PDE4B: variants seen among roughly 807,000 people sequenced by gnomAD.
The protein encoded by PDE4B is 3',5'-cyclic-AMP phosphodiesterase 4B.
PDE4B carries 20 observed loss-of-function variants against 82.2 expected under a neutral mutation model. The observed-to-expected ratio is 0.24, with a 90% CI of 0.17 to 0.35. The LOEUF is 0.35. PDE4B is among the 10% of genes least tolerant of loss of function. The probability of loss-of-function intolerance (pLI) is 1.00; values close to 1 mark genes in which losing one functional copy is unlikely to be tolerated. For synonymous variants in PDE4B, 320 were observed against 318.9 expected, an observed-to-expected ratio of 1.00 and a Z score of -0.04; for missense variants, 655 against 907.2, an observed-to-expected ratio of 0.72 and a Z score of 3.57.
At chr1:65,956,039 A>G (rs959609983) in intron 3 of PDE4B, among the ~76,000 whole-genome samples, 1 of 152,160 alleles carries the variant, frequency 6.6e-6, no homozygotes, top group Non-Finnish European at 1.5e-5. Context: ...AGCTGCTGGG[A>G]TATTTTTAGA....
chr1:66,274,885 G>C (rs895042310), intron 7 of PDE4B, among the ~76,000 whole-genome samples: 1 of 152,144 alleles, frequency 6.6e-6, no homozygotes, highest in Non-Finnish European at 1.5e-5. Context: ...TTTCTAGAAG[G>C]TTCTGGTCTA....
intron 3 of PDE4B, among the ~76,000 whole-genome samples, chr1:66,106,407 G>A (rs1346200583): frequency 6.6e-5 from 10 of 152,002 alleles, no homozygotes; most frequent in Admixed American, 2.0e-4. Flanking sequence ...CTCTTTTTTA[G>A]TTGTGTCTCT....
chr1:66,112,115 G>A (rs1369835793), intron 3 of PDE4B, among the ~76,000 whole-genome samples: 1 of 152,042 alleles, frequency 6.6e-6, no homozygotes, highest in African/African-American at 2.4e-5. Context: ...AGAATCTCCC[G>A]AGGTGCTGGG....
intron 4 of PDE4B, among the ~76,000 whole-genome samples, chr1:66,255,315 C>A (rs1051992038): frequency 2.0e-5 from 3 of 152,018 alleles, no homozygotes; most frequent in African/African-American, 7.2e-5. Context: ...CTCAAACTCC[C>A]AACCTCAGGT....
At chr1:66,028,164 A>G (rs1391006999) in intron 3 of PDE4B, among the ~76,000 whole-genome samples, 1 of 152,212 alleles carries the variant, frequency 6.6e-6, no homozygotes, top group African/African-American at 2.4e-5. Flanking sequence ...TCTGAAATCT[A>G]GGCGGAGGTT....
At chr1:66,257,595 C>T (rs1654340638) in intron 4 of PDE4B, 52 bp from the exon 5 acceptor site, 1 of 1,448,004 alleles carries the variant, frequency 6.9e-7, no homozygotes, top group Non-Finnish European at 9.7e-7. Flanking sequence ...TTATATGTCA[C>T]AGTTATAATT....
At chr1:65,940,058 G>A (rs12566621) in intron 3 of PDE4B, among the ~76,000 whole-genome samples, 6,071 of 152,250 alleles carry the variant, frequency 0.04, 480 homozygotes, top group East Asian at 0.36. Flanking sequence ...TAAACAAGGT[G>A]ATGTGATAGA....
intron 7 of PDE4B, among the ~76,000 whole-genome samples, chr1:66,306,205 A>G (rs556147829): frequency 6.6e-6 from 1 of 152,302 alleles, no homozygotes; most frequent in Non-Finnish European, 1.5e-5. Flanking sequence ...CTGGGTTTTC[A>G]CAAACCCTGT....
At chr1:66,359,013 G>A (rs917869485) in intron 9 of PDE4B, among the ~76,000 whole-genome samples, 5 of 152,160 alleles carry the variant, frequency 3.3e-5, no homozygotes, top group African/African-American at 4.8e-5. Flanking sequence ...GCTGGTGCAA[G>A]GGGAAATAGA....
At chr1:66,077,965 C>G (rs1184635296) in intron 3 of PDE4B, among the ~76,000 whole-genome samples, 7 of 152,098 alleles carry the variant, frequency 4.6e-5, no homozygotes, top group African/African-American at 1.7e-4. Flanking sequence ...ACAATGGTAG[C>G]CAGTTCGTGG....
chr1:66,084,699 A>G (rs1656916313), intron 3 of PDE4B, among the ~76,000 whole-genome samples: 1 of 152,080 alleles, frequency 6.6e-6, no homozygotes, highest in Admixed American at 6.6e-5. Flanking sequence ...CAGATATGGT[A>G]GGTCTGGCCT....
intron 3 of PDE4B, among the ~76,000 whole-genome samples, chr1:65,973,960 A>G (rs1038083427): frequency 4.7e-4 from 72 of 151,942 alleles, no homozygotes; most frequent in African/African-American, 1.6e-3. Context: ...CTGCAGGTGC[A>G]TGCCACCATG....
intron 3 of PDE4B, among the ~76,000 whole-genome samples, chr1:66,169,995 T>C (rs1646808743): frequency 6.6e-6 from 1 of 152,170 alleles, no homozygotes; most frequent in Admixed American, 6.5e-5. Flanking sequence ...TTATATTTAC[T>C]CTGCAATAGT....
chr1:66,234,446 A>G (rs1652240249), intron 3 of PDE4B, among the ~76,000 whole-genome samples: 1 of 151,938 alleles, frequency 6.6e-6, no homozygotes, highest in African/African-American at 2.4e-5. Flanking sequence ...ATGCCACTAT[A>G]TCTAGCTAAT....
At chr1:66,219,502 A>G (rs1650784424) in intron 3 of PDE4B, among the ~76,000 whole-genome samples, 1 of 152,164 alleles carries the variant, frequency 6.6e-6, no homozygotes, top group South Asian at 2.1e-4. Context: ...AGAACAAGTC[A>G]TGGGAAAAGT....
At chr1:66,024,372 T>G (rs552702561) in intron 3 of PDE4B, among the ~76,000 whole-genome samples, 1 of 152,132 alleles carries the variant, frequency 6.6e-6, no homozygotes, top group Non-Finnish European at 1.5e-5. Flanking sequence ...GCCATCCAAC[T>G]TGCATCACTT....
At chr1:66,165,008 G>A (rs563493412) in intron 3 of PDE4B, among the ~76,000 whole-genome samples, 6 of 152,036 alleles carry the variant, frequency 3.9e-5, no homozygotes, top group African/African-American at 1.4e-4. Flanking sequence ...AGATCTGCCT[G>A]CCTTGGCCTC....
At chr1:66,142,308 A>T (rs1429238886) in intron 3 of PDE4B, among the ~76,000 whole-genome samples, 1 of 152,172 alleles carries the variant, frequency 6.6e-6, no homozygotes, top group Admixed American at 6.5e-5. Flanking sequence ...ATAACCTCTA[A>T]GAAAGTCAAC....
At chr1:66,327,332 G>T (rs1226481036) in intron 7 of PDE4B, among the ~76,000 whole-genome samples, 1 of 152,188 alleles carries the variant, frequency 6.6e-6, no homozygotes, top group Non-Finnish European at 1.5e-5. Flanking sequence ...TGTACAATGT[G>T]ATCCTATTTA....
Sources: gnomAD v4.1 joint callset for allele counts (sites outside exome capture counted in the v4.1 genomes callset) on GRCh38, gnomAD v4.1.1 for gene constraint, MANE v1.5 for transcripts, NCBI Gene and HGNC (gene_info 2026-07-23, HGNC 2026-07-21) for gene names.